The following INPP4B variants were observed in gnomAD, a reference collection of about 807,000 sequenced individuals.
The protein encoded by INPP4B is inositol polyphosphate 4-phosphatase type II.
Under a neutral mutation model 122.5 loss-of-function variants are expected in INPP4B, and 55 were observed. The ratio of observed to expected loss-of-function variants is 0.45; its 90% confidence interval spans 0.36 to 0.56. INPP4B has a LOEUF of 0.56. Ranked by LOEUF, INPP4B falls within the 20% of genes least tolerant of loss-of-function variation. The pLI is 0.00. For missense variants in INPP4B, 1,000 were observed against 1,097.7 expected, an observed-to-expected ratio of 0.91 and a Z score of 1.26; for synonymous variants, 403 against 388.7, an observed-to-expected ratio of 1.04 and a Z score of -0.43.
intron 2 of INPP4B, among the ~76,000 whole-genome samples, chr4:142,700,214 G>T (rs1170816320): frequency 6.6e-6 from 1 of 151,682 alleles, no homozygotes; most frequent in African/African-American, 2.4e-5. Context: ...GCAACAGGGA[G>T]AAAAAAAACC....
At chr4:142,315,105 T>C (rs1767005128) in intron 7 of INPP4B, among the ~76,000 whole-genome samples, 1 of 152,216 alleles carries the variant, frequency 6.6e-6, no homozygotes, top group Admixed American at 6.5e-5. Flanking sequence ...ATTCCATGCA[T>C]GCACAATGAG....
intron 9 of INPP4B, 34 bp from the exon 10 acceptor site, chr4:142,270,808 G>A (rs1745404091): frequency 7.2e-7 from 1 of 1,396,888 alleles, no homozygotes; most frequent in East Asian, 2.3e-5. Context: ...GGAAAGGTAA[G>A]AAGCTTCTCT....
intron 25 of INPP4B, among the ~76,000 whole-genome samples, chr4:142,052,344 C>G (rs555927494): frequency 1.1e-4 from 16 of 151,624 alleles, no homozygotes; most frequent in Non-Finnish European, 2.4e-4. Context: ...TTATTTATTC[C>G]CTAAGAATTA....
intron 25 of INPP4B, among the ~76,000 whole-genome samples, chr4:142,078,702 G>T (rs1399130768): frequency 6.6e-6 from 1 of 151,840 alleles, no homozygotes; most frequent in African/African-American, 2.4e-5. Context: ...CAATACAATA[G>T]AAAATACTTA....
At chr4:142,635,507 C>A (rs1748938175) in intron 2 of INPP4B, among the ~76,000 whole-genome samples, 1 of 152,144 alleles carries the variant, frequency 6.6e-6, no homozygotes, top group African/African-American at 2.4e-5. Flanking sequence ...TACATATACA[C>A]CATGGAATAC....
At chr4:142,202,724 A>C (rs1841166021) in intron 14 of INPP4B, 1 of 983,574 alleles carries the variant, frequency 1.0e-6, no homozygotes, top group Non-Finnish European at 1.2e-6. Flanking sequence ...TATATTAGTT[A>C]AGCTTCTTTT....
At chr4:142,547,990 A>G (rs917257828) in intron 2 of INPP4B, among the ~76,000 whole-genome samples, 1 of 152,194 alleles carries the variant, frequency 6.6e-6, no homozygotes, top group African/African-American at 2.4e-5. Flanking sequence ...GAGAAAAGCT[A>G]AAACATTTTT....
chr4:142,661,955 C>T (rs947867695), intron 2 of INPP4B, among the ~76,000 whole-genome samples: 5 of 152,102 alleles, frequency 3.3e-5, no homozygotes, highest in African/African-American at 1.2e-4. Context: ...AGAGGTTGGC[C>T]GGGCACGGTG....
intron 2 of INPP4B, among the ~76,000 whole-genome samples, chr4:142,632,571 A>AAAAATAAT (rs1318045852): frequency 6.6e-6 from 1 of 152,122 alleles, no homozygotes; most frequent in African/African-American, 2.4e-5. Context: ...AAAGAGCAAT[A>AAAAATAAT]AAAATAATAA....
intron 22 of INPP4B, among the ~76,000 whole-genome samples, chr4:142,108,525 C>T (rs946260518): frequency 6.6e-6 from 1 of 152,102 alleles, no homozygotes; most frequent in African/African-American, 2.4e-5. Context: ...GGGCTACATC[C>T]CTGTATGTGT....
intron 5 of INPP4B, among the ~76,000 whole-genome samples, chr4:142,411,113 T>C (rs1483785146): frequency 6.6e-6 from 1 of 152,240 alleles, no homozygotes; most frequent in Non-Finnish European, 1.5e-5. Flanking sequence ...CTTGTAATTT[T>C]CACCTCTAAT....
chr4:142,639,166 G>A (rs1749826634), intron 2 of INPP4B, among the ~76,000 whole-genome samples: 2 of 152,024 alleles, frequency 1.3e-5, no homozygotes, highest in South Asian at 4.1e-4. Context: ...TACATTACTG[G>A]ATTTGATTTC....
intron 12 of INPP4B, among the ~76,000 whole-genome samples, chr4:142,211,234 G>C (rs1294249645): frequency 6.6e-6 from 1 of 152,120 alleles, no homozygotes; most frequent in African/African-American, 2.4e-5. Context: ...GAGAGTCACT[G>C]CATTTTTTAA....
rs28401451 is a variant in INPP4B at position 142,110,195 on chromosome 4, T to C, written c.2277-2005A>G. Among the ~76,000 whole-genome samples, 943 of 152,050 alleles carry C rather than the reference T, an allele frequency of 6.2e-3. 9 individuals carry two copies. Among genetic ancestry groups the C allele is most frequent in the African/African-American group, 0.021 (878 of 41,470 alleles). On this transcript the variant is annotated intron_variant, in intron 22 of 25. Coordinates refer to ENST00000262992, the MANE Select transcript of INPP4B (RefSeq NM_001101669.3). ...TTAAAGTTAAATGAGATTATGAGAGTGGGCTCTTTCTTTCCACAGGCACAA... is the reference window on the plus strand; with the variant it reads ...TTAAAGTTAAATGAGATTATGAGAGCGGGCTCTTTCTTTCCACAGGCACAA...
chr4:142,039,582 T>C (rs1180422332), intron 25 of INPP4B, among the ~76,000 whole-genome samples: 1 of 150,610 alleles, frequency 6.6e-6, no homozygotes, highest in African/African-American at 2.5e-5. Flanking sequence ...TATGAAATTT[T>C]AAAAAGTGCT....
chr4:142,055,453 G>C lies in INPP4B; in HGVS notation c.2643-26539C>G, dbSNP rs115570569. Among the ~76,000 whole-genome samples the C allele has an allele frequency of 2.6e-3, 396 of 152,090 alleles. 2 individuals carry two copies. The highest frequency in any genetic ancestry group is 8.8e-3 in the African/African-American group (364 of 41,510). ...GTAAAGCAGGTCATTGTCAAATAGG[G>C]AAGTTTTTTCCTATTGTTTATCTGA... On this transcript the variant is annotated intron_variant, in intron 25 of 25. Coordinates refer to ENST00000262992, the MANE Select transcript of INPP4B (RefSeq NM_001101669.3).
chr4:142,438,488 T>G (rs1372682111), intron 3 of INPP4B, among the ~76,000 whole-genome samples: 1 of 152,170 alleles, frequency 6.6e-6, no homozygotes, highest in Non-Finnish European at 1.5e-5. Context: ...CTGGAAAAAC[T>G]GGCTAGCCAT....
rs184104462 is a variant in INPP4B at position 142,779,856 on chromosome 4, A to G, written c.-253-53955T>C. 3.6e-4 allele frequency among the ~76,000 whole-genome samples: 55 copies of G among 152,260 alleles called. No homozygotes were observed. The East Asian group carries it at 5.4e-3, about 15-fold the overall frequency. ...TGCAAAAGTAATTGAGGTTTTTGCC[A>G]TTACTTTTGCACCAACCTAATAGTT... On this transcript the variant is annotated intron_variant, in intron 1 of 25. Transcript: ENST00000262992.
At chr4:142,068,577 G>C (rs1175240518) in intron 25 of INPP4B, among the ~76,000 whole-genome samples, 2 of 152,084 alleles carry the variant, frequency 1.3e-5, no homozygotes, top group African/African-American at 2.4e-5. Flanking sequence ...GTGCTTTATT[G>C]AGGAGACCCA....
Sources: allele counts gnomAD v4.1 joint callset (sites outside exome capture counted in the v4.1 genomes callset), GRCh38; gene constraint gnomAD v4.1.1; transcripts MANE v1.5; gene names NCBI Gene and HGNC (gene_info 2026-07-23, HGNC 2026-07-21).